Variants in SHMT2 observed in about 807,000 individuals in gnomAD.
The protein encoded by SHMT2 is serine hydroxymethyltransferase 2.
Under a neutral mutation model 59.6 loss-of-function variants are expected in SHMT2, and 38 were observed. The observed-to-expected ratio is 0.64, with a 90% CI of 0.49 to 0.84. The LOEUF (loss-of-function observed/expected upper bound fraction) is 0.84, where lower values mean the gene tolerates loss of function less well. Among genes scored for constraint, SHMT2 ranks in the 40% least tolerant of loss-of-function variants. SHMT2 has a pLI of 0.00. For synonymous variants in SHMT2, 254 were observed against 258.1 expected (o/e 0.98, Z 0.15); for missense variants, 533 against 659.5 (o/e 0.81, Z 2.10).
rs2037423740 is a variant in SHMT2 at position 57,233,624 on chromosome 12, C to T, written c.1085C>T (p.Ala362Val). The change falls in exon 9 of 12, where the codon GCA becomes GTA. Residue 362 changes from alanine to valine, a missense_variant. Ala to Val is a moderately conservative substitution (Grantham distance 64, BLOSUM62 0). Coordinates refer to ENST00000328923, the MANE Select transcript of SHMT2 (RefSeq NM_005412.6). ...LQVLKNARAM[A>V]DALLERGYSL... ...GTTCTGAAGAATGCTCGGGCCATGG[C>T]AGATGCCCTGCTAGAGCGAGGCTAC... The T allele has an allele frequency of 6.2e-7, 1 of 1,614,132 alleles. No individual in the cohort carries two copies. Among genetic ancestry groups the T allele is most frequent in the Non-Finnish European group, 8.5e-7 (1 of 1,179,980 alleles).
intron 6 of SHMT2, 42 bp from the exon 7 acceptor site, chr12:57,232,661 CG>C: frequency 6.2e-7 from 1 of 1,607,724 alleles, no homozygotes; most frequent in Non-Finnish European, 8.5e-7. Context: ...CAGGCCTCTC[CG>C]GGCCCTCCCC....
Position 57,231,759 on chromosome 12 carries a change from C to T in SHMT2, c.358C>T (p.Gln120Ter), listed in dbSNP as rs1183655892. 6.2e-7 allele frequency: 1 copy of T among 1,614,182 alleles called. No individual in the cohort carries two copies. The highest frequency in any genetic ancestry group is 8.5e-7 in the Non-Finnish European group (1 of 1,180,042). Residue 120 changes from glutamine to a stop codon, truncating the protein, a stop_gained, in exon 4 of 12, where the codon CAG (glutamine) becomes TAG (stop). Transcript: ENST00000328923. LOFTEE classifies it high-confidence loss of function. ...GGTGGATGAAATTGAGCTGCTGTGC[C>T]AGCGCCGGGCCTTGGAAGCCTTTGA... is the stretch of plus-strand genomic sequence containing the variant. ...EVVDEIELLCQRRALEAFDLD... is the reference protein window; with the variant it reads ...EVVDEIELLC
In SHMT2 at chr12:57,233,228, G is replaced by T. The variant is rs772801046; in HGVS notation, c.906G>T (p.Lys302Asn). 6.2e-7 allele frequency: 1 copy of T among 1,605,132 alleles called. No homozygotes were observed. The highest frequency in any genetic ancestry group is 1.7e-5 in the Admixed American group (1 of 58,892). Residue 302 changes from lysine (K) to asparagine (N), a missense_variant, in exon 8 of 12, where the codon AAG (lysine) becomes AAT (asparagine). Physicochemically the swap from Lys to Asn is moderately conservative, Grantham distance 94. Coordinates refer to ENST00000328923, the MANE Select transcript of SHMT2 (RefSeq NM_005412.6). Reference sequence around the variant, plus strand: ...AAGGGGTGAAGGCTGTGGACCCCAAGACTGGCCGGGAGATCCCTTACACAT... The same window carrying T: ...AAGGGGTGAAGGCTGTGGACCCCAATACTGGCCGGGAGATCCCTTACACAT... Reference protein sequence around the residue: ...YRKGVKAVDPKTGREIPYTFE... With the variant: ...YRKGVKAVDPNTGREIPYTFE...
At chr12:57,232,378 G>A (rs773238288) in intron 5 of SHMT2, 75 bp from the exon 6 acceptor site, 12 of 1,613,160 alleles carry the variant, frequency 7.4e-6, no homozygotes, top group African/African-American at 1.3e-5. Context: ...GCGCCGGGCC[G>A]TCCTTAGGGT....
At position 57,234,113 on chromosome 12, in the gene SHMT2, G is replaced by T. The variant is rs759068953; in HGVS notation, c.1387+3G>T. 1.9e-6 allele frequency: 3 copies of T among 1,614,044 alleles called. No individual in the cohort carries two copies. The Admixed American group carries it at 5.0e-5, about 27-fold the overall frequency. On this transcript the variant is annotated splice_donor_region_variant and intron_variant, in intron 11 of 11. Transcript: ENST00000328923. ...CTTAGAGGTGAAGAGCAAGACTGGT[G>T]AGTGAGCAAGAAGGAGCCCCGGGCC...
chr12:57,232,859 G>A lies in SHMT2; in HGVS notation c.857+16G>A. 6.3e-7 allele frequency: 1 copy of A among 1,598,380 alleles called. No homozygotes were observed. Among genetic ancestry groups the A allele is most frequent in the Non-Finnish European group, 8.6e-7 (1 of 1,167,248 alleles). On this transcript the variant is annotated intron_variant, in intron 7 of 11. Transcript: ENST00000328923. ...GAGGGGCCAGGTCAGGCTCCCTGAGGTCGGGCCTTGCCTTTCCCTGCCTTC... is the reference window on the plus strand; with the variant it reads ...GAGGGGCCAGGTCAGGCTCCCTGAGATCGGGCCTTGCCTTTCCCTGCCTTC...
Position 57,234,591 on chromosome 12 carries a change from A to T in SHMT2, c.*230A>T. 2.6e-6 allele frequency: 1 copy of T among 391,872 alleles called. No individual in the cohort carries two copies. Among genetic ancestry groups the T allele is most frequent in the Non-Finnish European group, 4.5e-6 (1 of 223,340 alleles). 24.3% of individuals were successfully genotyped at this position (391,872 alleles called of 1,614,324 possible). A position where few individuals can be genotyped will look rare whatever the true frequency, so the allele number is the denominator to read the frequency against. ...GAGGGCCCAGGCACTTTCTGTTTGA[A>T]CCCCTGTCATGATCACAGTGTCAGA... On this transcript the variant is annotated 3_prime_UTR_variant, in exon 12 of 12. Transcript: ENST00000328923.
chr12:57,232,482 G>A lies in SHMT2; in HGVS notation c.624G>A (p.Gln208=). Residue 208 remains glutamine, a synonymous_variant, in exon 6 of 12, where the codon CAG becomes CAA. Transcript: ENST00000328923. ...NPKTGLIDYN[Q]LALTARLFRP... Reference sequence around the variant, plus strand: ...AAACTGGCCTCATTGACTACAACCAGCTGGCACTGACTGCTCGACTTTTCC... The same window carrying A: ...AAACTGGCCTCATTGACTACAACCAACTGGCACTGACTGCTCGACTTTTCC... The A allele has an allele frequency of 2.5e-6, 4 of 1,614,222 alleles. No individual in the cohort carries two copies. The Admixed American group carries it at 6.7e-5, about 27-fold the overall frequency.
At chr12:57,231,434 A>G in intron 2 of SHMT2, 47 bp from the exon 3 acceptor site, 2 of 1,592,386 alleles carry the variant, frequency 1.3e-6, no homozygotes, top group Non-Finnish European at 8.6e-7. Context: ...GTGGGAGTCC[A>G]GGGGAAGGGG....
chr12:57,233,609 A>G lies in SHMT2; in HGVS notation c.1070A>G (p.Asn357Ser). 6.2e-7 allele frequency: 1 copy of G among 1,614,148 alleles called. No individual in the cohort carries two copies. The highest frequency in any genetic ancestry group is 1.3e-5 in the African/African-American group (1 of 75,064). The change falls in exon 9 of 12, where the codon AAT (asparagine) becomes AGT (serine). Residue 357 changes from asparagine (N) to serine (S), a missense_variant. Asn to Ser is a conservative substitution (Grantham distance 46, BLOSUM62 1). Transcript: ENST00000328923. ...GAGTACTCCCTGCAGGTTCTGAAGA[A>G]TGCTCGGGCCATGGCAGATGCCCTG... ...FREYSLQVLK[N>S]ARAMADALLE...
At chr12:57,232,901 C>T in intron 7 of SHMT2, 58 bp downstream of exon 7, 1 of 1,573,126 alleles carries the variant, frequency 6.4e-7, no homozygotes, top group Non-Finnish European at 8.7e-7. Flanking sequence ...ATTCCTGGGG[C>T]ACTGTTGGCC....
rs1393838775 is a variant in SHMT2, at chr12:57,231,155, G to A, written c.231+155G>A. 4 of 767,532 alleles carry A rather than the reference G, an allele frequency of 5.2e-6. No homozygotes were observed. The East Asian group carries it at 1.1e-4, about 21-fold the overall frequency. The allele number at this position is 767,532 out of a possible 1,614,324, so 47.5% of individuals were successfully genotyped here. On this transcript the variant is annotated intron_variant, in intron 2 of 11. Coordinates refer to ENST00000328923, the MANE Select transcript of SHMT2 (RefSeq NM_005412.6). ...CTTATCTCCCTCAAGCAAAGGCAGT[G>A]CAAGTCCAGTTTATGGGGTTGGGAC... is the stretch of plus-strand genomic sequence containing the variant.
rs11557169 is a variant in SHMT2 at position 57,234,443 on chromosome 12, A to G, written c.*82A>G. ...GGCCAGTGAAATAGAAAGCCTTTCT[A>G]TTTTTTGGTGCGGGAGGGAAGACCT... On this transcript the variant is annotated 3_prime_UTR_variant, in exon 12 of 12. Transcript: ENST00000328923. The G allele has an allele frequency of 4.1e-6, 6 of 1,469,708 alleles. No homozygotes were observed. The highest frequency in any genetic ancestry group is 2.1e-4 in the Middle Eastern group (1 of 4,708). The allele number at this position is 1,469,708 out of a possible 1,614,324, so 91.0% of individuals were successfully genotyped here. A position where few individuals can be genotyped will look rare whatever the true frequency, so the allele number is the denominator to read the frequency against.
intron 7 of SHMT2, 70 bp downstream of exon 7, chr12:57,232,913 G>A: frequency 6.4e-7 from 1 of 1,553,162 alleles, no homozygotes; most frequent in Non-Finnish European, 8.8e-7. Context: ...CTGTTGGCCT[G>A]GACCTGAGAG....
In SHMT2 at chr12:57,233,373, G is replaced by T. The variant is rs143086753; in HGVS notation, c.1023+28G>T. 2.2e-4 allele frequency: 348 copies of T among 1,566,698 alleles called. No individual in the cohort carries two copies. In the African/African-American group the frequency reaches 3.0e-3, roughly 14 times the overall value. ...TGGGGATCCTGTCTTTGTAGGGTGT[G>T]GGGGGGCAATGGCCTGGAGGCTTAG... On this transcript the variant is annotated intron_variant, in intron 8 of 11. Transcript: ENST00000328923.
Position 57,232,775 on chromosome 12 carries a change from G to C in SHMT2, c.789G>C (p.Val263=). ...AHISGLVAAK[V]IPSPFKHADI... ...TCAGTGGCCTGGTGGCTGCCAAGGT[G>C]ATTCCCTCGCCTTTCAAGCACGCGG... is the stretch of plus-strand genomic sequence containing the variant. The change falls in exon 7 of 12, where the codon GTG becomes GTC. Residue 263 remains valine (V), a synonymous_variant. Transcript: ENST00000328923. The C allele has an allele frequency of 6.2e-7, 1 of 1,613,654 alleles. No individual in the cohort carries two copies. Among genetic ancestry groups the C allele is most frequent in the Non-Finnish European group, 8.5e-7 (1 of 1,179,622 alleles).
chr12:57,230,074 C>T (rs1444948516), intron 1 of SHMT2: 1 of 1,386,568 alleles, frequency 7.2e-7, no homozygotes, highest in Non-Finnish European at 9.4e-7. Context: ...AGAGGACAGC[C>T]CCGGATGCCC....
chr12:57,232,198 T>G lies in SHMT2; in HGVS notation c.513-13T>G. ...CTTCCACCCAGGCCTTCTTACTTCC[T>G]CTCACTTCGCAGTCTCACCCACGGC... On this transcript the variant is annotated splice_polypyrimidine_tract_variant and intron_variant, in intron 4 of 11. Transcript: ENST00000328923. 6.2e-7 allele frequency: 1 copy of G among 1,613,522 alleles called. No individual in the cohort carries two copies. Among genetic ancestry groups the G allele is most frequent in the Non-Finnish European group, 8.5e-7 (1 of 1,179,468 alleles).
intron 9 of SHMT2, 27 bp downstream of exon 9, chr12:57,233,689 C>G: frequency 6.2e-7 from 1 of 1,612,850 alleles, no homozygotes. Flanking sequence ...TGGGTGAGGG[C>G]CTCTGTAGCT....
Sources: gnomAD v4.1 joint callset for allele counts on GRCh38, gnomAD v4.1.1 for gene constraint, MANE v1.5 for transcripts, NCBI Gene and HGNC (gene_info 2026-07-23, HGNC 2026-07-21) for gene names.